The following VAC14 variants were observed in gnomAD, a reference collection of about 807,000 sequenced individuals.
The protein encoded by VAC14 is protein VAC14 homolog.
In VAC14, 47 loss-of-function variants were observed where a neutral mutation model predicts 85.3. The ratio of observed to expected loss-of-function variants is 0.55; its 90% CI spans 0.44 to 0.70. VAC14 has a LOEUF of 0.70. Ranked by LOEUF, VAC14 falls within the 30% of genes least tolerant of loss-of-function variation. The pLI, the probability that VAC14 is intolerant of heterozygous loss-of-function variation, is 0.00. For synonymous variants in VAC14, 447 were observed against 430.5 expected (o/e 1.04, Z -0.47); for missense variants, 861 against 1,004.3 (o/e 0.86, Z 1.93).
At position 70,759,594 on chromosome 16, in the gene VAC14, C is replaced by T. The variant is rs549519719; in HGVS notation, c.1371+2946G>A. Among the ~76,000 whole-genome samples, 142 of 152,322 alleles carry T rather than the reference C, an allele frequency of 9.3e-4. 6 individuals are homozygous for T. In the South Asian group the frequency reaches 0.029, roughly 32 times the overall value. On this transcript the variant is annotated intron_variant, in intron 12 of 18. Transcript: ENST00000261776. ...AGTGAGCCGACATCACATCACCGCA[C>T]TCTAGCCTGGGCGAGAGTGAGATTC...
chr16:70,720,643 G>C (rs2142998645), intron 14 of VAC14, among the ~76,000 whole-genome samples: 1 of 152,312 alleles, frequency 6.6e-6, no homozygotes, highest in South Asian at 2.1e-4. Flanking sequence ...GCAAGCCTGG[G>C]GGCAGAAGGG....
At chr16:70,707,194 A>G (rs2142994383) in intron 14 of VAC14, among the ~76,000 whole-genome samples, 1 of 152,320 alleles carries the variant, frequency 6.6e-6, no homozygotes, top group East Asian at 1.9e-4. Context: ...TGAAAACTGT[A>G]AATCTGTTTT....
intron 1 of VAC14, among the ~76,000 whole-genome samples, chr16:70,795,410 C>G (rs549563298): frequency 6.7e-6 from 1 of 148,968 alleles, no homozygotes; most frequent in African/African-American, 2.5e-5. Flanking sequence ...AGGAGAATGG[C>G]GTGAACCTGA....
chr16:70,752,926 T>A (rs1032182334), intron 12 of VAC14, among the ~76,000 whole-genome samples: 1 of 151,634 alleles, frequency 6.6e-6, no homozygotes, highest in Non-Finnish European at 1.5e-5. Flanking sequence ...TGGAGAGGGA[T>A]TAGAGCTAGG....
intron 14 of VAC14, among the ~76,000 whole-genome samples, chr16:70,725,995 C>T (rs762969020): frequency 3.3e-5 from 5 of 152,278 alleles, no homozygotes; most frequent in East Asian, 1.9e-4. Flanking sequence ...AGCCAAAGCG[C>T]GGCTGGCCGG....
At chr16:70,692,628 G>A (rs1281075085) in intron 18 of VAC14, among the ~76,000 whole-genome samples, 193 bp downstream of exon 18, 1 of 152,190 alleles carries the variant, frequency 6.6e-6, no homozygotes, top group African/African-American at 2.4e-5. Flanking sequence ...TCCCTTGCTC[G>A]GTGCTCTGAT....
At chr16:70,719,908 G>A (rs1163259047) in intron 14 of VAC14, among the ~76,000 whole-genome samples, 1 of 152,092 alleles carries the variant, frequency 6.6e-6, no homozygotes, top group Non-Finnish European at 1.5e-5. Context: ...ACATAAGAAA[G>A]CATTATCCAT....
chr16:70,744,504 G>C lies in VAC14; in HGVS notation c.1447C>G (p.Leu483Val). 2.0e-5 allele frequency: 32 copies of C among 1,613,738 alleles called. No homozygotes were observed. Among genetic ancestry groups the C allele is most frequent in the Non-Finnish European group, 2.6e-5 (31 of 1,179,974 alleles). The change falls in exon 13 of 19, where the codon CTC becomes GTC. Residue 483 changes from leucine (L) to valine (V), a missense_variant. Leu to Val is a conservative substitution (Grantham distance 32). This residue lies in a region of VAC14 where 629 missense variants were observed against 703.1 expected (regional missense o/e 0.89). Coordinates refer to ENST00000261776, the MANE Select transcript of VAC14 (RefSeq NM_018052.5). ...CTGGCCTGGAGGTCAGGGCCATCGA[G>C]GGGGCCTGGGTCATCCGTCTGGCCT... Reference protein sequence around the residue: ...PAGQTDDPGPLDGPDLQASHS... With the variant: ...PAGQTDDPGPVDGPDLQASHS...
chr16:70,737,238 G>A (rs946133499), intron 13 of VAC14, among the ~76,000 whole-genome samples: 1 of 152,222 alleles, frequency 6.6e-6, no homozygotes, highest in Non-Finnish European at 1.5e-5. Flanking sequence ...GGTGCTGCAG[G>A]CGCATGAGGA....
chr16:70,740,629 A>G (rs114068874), intron 13 of VAC14, among the ~76,000 whole-genome samples: 1,699 of 152,270 alleles, frequency 0.011, 29 homozygotes, highest in African/African-American at 0.039. Context: ...GGAGACAGGA[A>G]ATACAAAAGG....
At chr16:70,764,746 A>G (rs1164602655) in intron 10 of VAC14, among the ~76,000 whole-genome samples, 3 of 152,250 alleles carry the variant, frequency 2.0e-5, no homozygotes, top group African/African-American at 7.2e-5. Context: ...CCTGGTGTGC[A>G]TTTCACCGTT....
At chr16:70,710,857 C>T (rs2054018378) in intron 14 of VAC14, among the ~76,000 whole-genome samples, 1 of 152,270 alleles carries the variant, frequency 6.6e-6, no homozygotes, top group Admixed American at 6.5e-5. Flanking sequence ...TCCTCCTGGT[C>T]ATGGGCCCTG....
At chr16:70,737,054 G>A (rs1247017382) in intron 13 of VAC14, among the ~76,000 whole-genome samples, 1 of 152,224 alleles carries the variant, frequency 6.6e-6, no homozygotes. Context: ...CTCTGAGGCA[G>A]GGCTGCAGGC....
intron 14 of VAC14, chr16:70,715,334 A>T (rs1168399919): frequency 1.3e-5 from 2 of 152,248 alleles, no homozygotes; most frequent in Admixed American, 1.3e-4. Flanking sequence ...CTGTTTCACC[A>T]AGGATCACCA....
chr16:70,745,520 C>T lies in VAC14; in HGVS notation c.1372-941G>A, dbSNP rs13334721. The stretch of plus-strand genomic sequence containing the variant: ...GTGTGTGTGTGTGTGTGTGTGTGTG[C>T]GCGTGTGCGCGCGTGTGCCTGTGTG... On this transcript the variant is annotated intron_variant, in intron 12 of 18. Coordinates refer to ENST00000261776, the MANE Select transcript of VAC14 (RefSeq NM_018052.5). Among the ~76,000 whole-genome samples the T allele has an allele frequency of 2.6e-3, 243 of 93,196 alleles. 2 individuals are homozygous for T. Among genetic ancestry groups the T allele is most frequent in the East Asian group, 0.019 (67 of 3,448 alleles). The allele number at this position is 93,196 out of a possible 152,430, so 61.1% of individuals were successfully genotyped here.
chr16:70,790,108 G>C (rs1388415322), intron 1 of VAC14, among the ~76,000 whole-genome samples: 1 of 152,226 alleles, frequency 6.6e-6, no homozygotes, highest in Non-Finnish European at 1.5e-5. Context: ...AAAGAAGAGA[G>C]GGCTTAAGGA....
chr16:70,765,977 T>A (rs1262789986), intron 10 of VAC14, among the ~76,000 whole-genome samples: 1 of 151,606 alleles, frequency 6.6e-6, no homozygotes, highest in Admixed American at 6.6e-5. Flanking sequence ...GTGAAAAATT[T>A]AAAAAATTAG....
intron 10 of VAC14, chr16:70,769,903 A>C (rs887899141): frequency 1.4e-4 from 21 of 152,310 alleles, no homozygotes; most frequent in African/African-American, 4.8e-4. Flanking sequence ...TGCCAGAGGG[A>C]GGCTTTTAAA....
At chr16:70,784,357 A>G in intron 4 of VAC14, 137 bp from the exon 5 acceptor site, 1 of 656,412 alleles carries the variant, frequency 1.5e-6, no homozygotes, top group Non-Finnish European at 2.7e-6. Context: ...TAGGCATAAG[A>G]GGTCTCTGGA....
Sources: allele counts gnomAD v4.1 joint callset (sites outside exome capture counted in the v4.1 genomes callset), GRCh38; gene constraint gnomAD v4.1.1; regional missense constraint gnomAD v4.1.1; transcripts MANE v1.5; gene names NCBI Gene and HGNC (gene_info 2026-07-23, HGNC 2026-07-21).